CELF1: variants seen among roughly 807,000 people sequenced by gnomAD.
The protein encoded by CELF1 is CUGBP Elav-like family member 1, also known as 50 kDa nuclear polyadenylated RNA-binding protein.
A neutral mutation model predicts 61.8 loss-of-function variants in CELF1; 10 were observed. That is an observed-to-expected ratio of 0.16 (90% confidence interval 0.10 to 0.27). The LOEUF (loss-of-function observed/expected upper bound fraction) is 0.27, where lower values mean the gene tolerates loss of function less well. Ranked by LOEUF, CELF1 falls within the 10% of genes least tolerant of loss-of-function variation. The pLI, the probability that CELF1 is intolerant of heterozygous loss-of-function variation, is 1.00. For synonymous variants in CELF1, 236 were observed against 225.1 expected, an observed-to-expected ratio of 1.05 and a Z score of -0.43; for missense variants, 380 against 639.1, an observed-to-expected ratio of 0.59 and a Z score of 4.37.
At chr11:47,481,048 A>C (rs2082724939) in intron 9 of CELF1, among the ~76,000 whole-genome samples, 2 of 150,574 alleles carry the variant, frequency 1.3e-5, no homozygotes, top group African/African-American at 2.4e-5. Flanking sequence ...TTTTAAAAAA[A>C]CTTCAGAGAA....
intron 1 of CELF1, among the ~76,000 whole-genome samples, chr11:47,533,655 C>CATACATACATAA (rs1346415692): frequency 1.3e-5 from 2 of 151,008 alleles, no homozygotes; most frequent in Non-Finnish European, 3.0e-5. Context: ...TACATACATA[C>CATACATACATAA]ATAAATTAGC....
intron 13 of CELF1, among the ~76,000 whole-genome samples, chr11:47,473,678 G>A (rs920689586): frequency 1.3e-5 from 2 of 152,184 alleles, no homozygotes; most frequent in Non-Finnish European, 1.5e-5. Flanking sequence ...AAAGGGGCAC[G>A]AGGGAATTTC....
intron 1 of CELF1, among the ~76,000 whole-genome samples, chr11:47,550,037 G>A (rs1035574530): frequency 2.0e-5 from 3 of 151,712 alleles, no homozygotes; most frequent in Non-Finnish European, 4.4e-5. Context: ...GGCTGGTCTC[G>A]AACTCCTGAC....
intron 5 of CELF1, 123 bp downstream of exon 5, chr11:47,487,036 A>G: frequency 1.2e-6 from 1 of 809,634 alleles, no homozygotes; most frequent in Non-Finnish European, 2.0e-6. Flanking sequence ...GTCTTCCTTT[A>G]CATCAATTCC....
chr11:47,524,687 C>G (rs988973127), intron 1 of CELF1: 1 of 152,244 alleles, frequency 6.6e-6, no homozygotes, highest in Non-Finnish European at 1.5e-5. Flanking sequence ...GCTGCTCCTG[C>G]TGTTGCTGTA....
chr11:47,559,364 C>CTT (rs112399460), intron 2 of CELF1, among the ~76,000 whole-genome samples: 14 of 138,838 alleles, frequency 1.0e-4, no homozygotes, highest in Admixed American at 8.0e-4. Flanking sequence ...TTCGCCTGGC[C>CTT]TTTTTTTTTT....
At chr11:47,525,068 T>C (rs570956342) in intron 1 of CELF1, among the ~76,000 whole-genome samples, 14 of 152,332 alleles carry the variant, frequency 9.2e-5, no homozygotes, top group African/African-American at 3.1e-4. Context: ...CAATTTATCA[T>C]TTAAATCCTA....
At chr11:47,523,304 C>CTCTA (rs1351937618) in intron 1 of CELF1, 1 of 152,106 alleles carries the variant, frequency 6.6e-6, no homozygotes, top group Non-Finnish European at 1.5e-5. Context: ...CAATGACAGG[C>CTCTA]TCTACATAGG....
intron 1 of CELF1, among the ~76,000 whole-genome samples, chr11:47,532,268 G>A (rs1355171980): frequency 6.6e-6 from 1 of 152,166 alleles, no homozygotes; most frequent in Non-Finnish European, 1.5e-5. Flanking sequence ...GACCTCAGGT[G>A]ATCCACCTCG....
In CELF1 at chr11:47,482,745, C is replaced by A; in HGVS notation, c.718G>T (p.Val240Leu). The change falls in exon 9 of 15, where the codon GTG (valine) becomes TTG (leucine). Residue 240 changes from valine to leucine, a missense_variant. Physicochemically the swap from Val to Leu is conservative, Grantham distance 32 (BLOSUM62 1). Coordinates refer to ENST00000687097, the MANE Select transcript of CELF1 (RefSeq NM_001376376.1). ...QQMQQISAAS[V>L]WGNLAGLNTL... ...TTTAGACCAGCAAGGTTTCCCCACACAGATGCTGCGCTGATTTGCTGCATC... is the reference window on the plus strand; with the variant it reads ...TTTAGACCAGCAAGGTTTCCCCACAAAGATGCTGCGCTGATTTGCTGCATC... 1 of 1,614,176 alleles carries A rather than the reference C, an allele frequency of 6.2e-7. No individual in the cohort carries two copies. The highest frequency in any genetic ancestry group is 8.5e-7 in the Non-Finnish European group (1 of 1,180,030).
At chr11:47,533,379 T>C (rs2096537993) in intron 1 of CELF1, among the ~76,000 whole-genome samples, 1 of 152,122 alleles carries the variant, frequency 6.6e-6, no homozygotes. Context: ...CCCAGCACTT[T>C]GGGAGGCCAA....
chr11:47,490,258 C>T (rs1565802103), intron 3 of CELF1, among the ~76,000 whole-genome samples: 2 of 151,372 alleles, frequency 1.3e-5, no homozygotes, highest in African/African-American at 4.8e-5. Context: ...CTTCAAAGTC[C>T]TTCGTCCTAT....
At chr11:47,487,760 TC>T (rs978740477) in intron 4 of CELF1, among the ~76,000 whole-genome samples, 1 of 152,246 alleles carries the variant, frequency 6.6e-6, no homozygotes, top group Non-Finnish European at 1.5e-5. Context: ...CCTCTTAACA[TC>T]TTTTTTTGGA....
At chr11:47,534,458 G>A (rs1401915423) in intron 1 of CELF1, among the ~76,000 whole-genome samples, 1 of 151,650 alleles carries the variant, frequency 6.6e-6, no homozygotes, top group Non-Finnish European at 1.5e-5. Context: ...CGGGCGCCAT[G>A]GCTCATGCCT....
At chr11:47,555,635 T>A (rs2097203568), upstream of CELF1, among the ~76,000 whole-genome samples, 1 of 152,130 alleles carries the variant, frequency 6.6e-6, no homozygotes, top group African/African-American at 2.4e-5. Context: ...AAAAGCCTAG[T>A]GTGAGATTTA....
chr11:47,473,473 G>C (rs781045204), intron 13 of CELF1, among the ~76,000 whole-genome samples: 1 of 152,294 alleles, frequency 6.6e-6, no homozygotes, highest in South Asian at 2.1e-4. Context: ...AATTCTACCC[G>C]CAGGAGGAGG....
At chr11:47,558,258 C>T (rs2097211845) in intron 2 of CELF1, among the ~76,000 whole-genome samples, 1 of 151,650 alleles carries the variant, frequency 6.6e-6, no homozygotes, top group Non-Finnish European at 1.5e-5. Flanking sequence ...AGTTGTCTGT[C>T]CTGCTTTTAC....
intron 1 of CELF1, among the ~76,000 whole-genome samples, chr11:47,529,586 G>A (rs1171523956): frequency 1.3e-5 from 2 of 152,052 alleles, no homozygotes; most frequent in Non-Finnish European, 2.9e-5. Context: ...TTGAACCCAG[G>A]AAGTGGAGGT....
chr11:47,501,816 G>A (rs759687318), intron 1 of CELF1, among the ~76,000 whole-genome samples: 3 of 151,850 alleles, frequency 2.0e-5, no homozygotes, highest in Non-Finnish European at 2.9e-5. Context: ...GTAAGACTCC[G>A]TCTCCCCCAC....
Sources: allele counts gnomAD v4.1 joint callset (sites outside exome capture counted in the v4.1 genomes callset), GRCh38; gene constraint gnomAD v4.1.1; transcripts MANE v1.5; gene names NCBI Gene and HGNC (gene_info 2026-07-23, HGNC 2026-07-21).